The following ACSS2 variants were observed in gnomAD, a reference collection of about 807,000 sequenced individuals.
ACSS2 encodes acetyl-coenzyme A synthetase, cytoplasmic.
In ACSS2, 58 loss-of-function variants were observed where a neutral mutation model predicts 90.6. The ratio of observed to expected loss-of-function variants is 0.64; its 90% CI spans 0.52 to 0.80. The LOEUF (loss-of-function observed/expected upper bound fraction) is 0.80, where lower values mean the gene tolerates loss of function less well. ACSS2 is among the 30% of genes least tolerant of loss of function. The pLI is 0.00. For missense variants in ACSS2, 759 were observed against 912.0 expected, an observed-to-expected ratio of 0.83 and a Z score of 2.16; for synonymous variants, 300 against 330.9, an observed-to-expected ratio of 0.91 and a Z score of 1.01.
chr20:34,923,103 C>A (rs2081237663), intron 13 of ACSS2: 2 of 484,928 alleles, frequency 4.1e-6, no homozygotes, highest in South Asian at 6.9e-5. Flanking sequence ...AGTATTTTCT[C>A]TGATTTACAG....
chr20:34,914,140 G>A lies in ACSS2; in HGVS notation c.688G>A (p.Ala230Thr). The A allele has an allele frequency of 6.2e-7, 1 of 1,614,190 alleles. No homozygotes were observed. The highest frequency in any genetic ancestry group is 8.5e-7 in the Non-Finnish European group (1 of 1,180,022). ...AAAGCTTGTGAACCTGAAGGAGCTG[G>A]CTGACGAGGCCCTGCAGAAGTGTCA... ...GEKLVNLKEL[A>T]DEALQKCQEK... Residue 230 changes from alanine (A) to threonine (T), a missense_variant, in exon 6 of 18, where the codon GCT becomes ACT. Ala to Thr is a moderately conservative substitution (Grantham distance 58). Coordinates refer to ENST00000360596, the MANE Select transcript of ACSS2 (RefSeq NM_018677.4).
intron 2 of ACSS2, among the ~76,000 whole-genome samples, chr20:34,887,331 T>G (rs2080220583): frequency 6.6e-6 from 1 of 152,214 alleles, no homozygotes; most frequent in Non-Finnish European, 1.5e-5. Context: ...AAAAGAGAAA[T>G]TAGCCACATT....
intron 2 of ACSS2, among the ~76,000 whole-genome samples, chr20:34,904,882 TG>T (rs1323070816): frequency 6.6e-6 from 1 of 151,868 alleles, no homozygotes; most frequent in African/African-American, 2.4e-5. Context: ...TTAATAGTTT[TG>T]TTTGATTCAC....
intron 1 of ACSS2, among the ~76,000 whole-genome samples, chr20:34,878,289 G>A (rs2079977489): frequency 6.6e-6 from 1 of 152,274 alleles, no homozygotes; most frequent in East Asian, 1.9e-4. Context: ...TTGGTTGTGG[G>A]ACAAACATGG....
chr20:34,914,558 T>A, intron 7 of ACSS2, 121 bp downstream of exon 7: 2 of 848,330 alleles, frequency 2.4e-6, no homozygotes, highest in Non-Finnish European at 3.6e-6. Context: ...GGAGCAATTC[T>A]AGGAATGCCT....
intron 13 of ACSS2, chr20:34,922,800 T>G (rs200754525): frequency 1.3e-5 from 2 of 155,146 alleles, no homozygotes; most frequent in South Asian, 2.0e-4. Flanking sequence ...AGCAAGTTAG[T>G]AACAGGGACA....
In ACSS2 at chr20:34,899,427, C is replaced by CTTTCTTTCT. The variant is rs1568977263; in HGVS notation, c.375-13667_375-13666insTCTTTCTTT. Among the ~76,000 whole-genome samples the CTTTCTTTCT allele has an allele frequency of 1.4e-4, 16 of 115,914 alleles. No homozygotes were observed. The South Asian group carries it at 3.7e-3, about 27-fold the overall frequency. The allele number at this position is 115,914 out of a possible 152,430, so 76.0% of individuals were successfully genotyped here. A position where few individuals can be genotyped will look rare whatever the true frequency, so the allele number is the denominator to read the frequency against. The stretch of plus-strand genomic sequence containing the variant: ...CCTTCTTTCTTTCTTTCTTTCTTTC[C>CTTTCTTTCT]TTCCTTCCTTCCTTCCTTCCTTCCT... On this transcript the variant is annotated intron_variant, in intron 2 of 17. Transcript: ENST00000360596.
chr20:34,918,802 C>T (rs908903447), intron 7 of ACSS2, among the ~76,000 whole-genome samples: 8 of 152,252 alleles, frequency 5.3e-5, no homozygotes, highest in African/African-American at 1.4e-4. Context: ...GTGTGGTGTC[C>T]GCATCCCTGC....
At chr20:34,877,909 CAGATAGATAGATAGAT>C (rs71196766) in intron 1 of ACSS2, among the ~76,000 whole-genome samples, 16 of 146,534 alleles carry the variant, frequency 1.1e-4, no homozygotes, top group African/African-American at 4.1e-4. Flanking sequence ...GATAGATAGA[CAGATAGATAGATAGAT>C]AGATAGATAG....
intron 2 of ACSS2, among the ~76,000 whole-genome samples, chr20:34,905,068 CTACCA>C (rs1380680441): frequency 2.6e-5 from 4 of 152,020 alleles, no homozygotes; most frequent in African/African-American, 9.7e-5. Flanking sequence ...TAGGCATTAG[CTACCA>C]TGCTTGGCTA....
intron 13 of ACSS2, chr20:34,922,935 A>G (rs1481891740): frequency 6.0e-6 from 1 of 167,418 alleles, no homozygotes. Context: ...TGTTTTTTAA[A>G]TGAGTGTTTT....
intron 2 of ACSS2, among the ~76,000 whole-genome samples, chr20:34,898,126 A>C (rs2147018287): frequency 6.6e-6 from 1 of 152,250 alleles, no homozygotes; most frequent in African/African-American, 2.4e-5. Context: ...TGAGTGTTAC[A>C]GCTCATAAAA....
At chr20:34,913,685 AC>A in intron 4 of ACSS2, 67 bp from the exon 5 acceptor site, 1 of 1,472,638 alleles carries the variant, frequency 6.8e-7, no homozygotes, top group Non-Finnish European at 9.5e-7. Flanking sequence ...TCCATGAGCA[AC>A]CCCTTTCTTC....
intron 2 of ACSS2, among the ~76,000 whole-genome samples, chr20:34,905,884 A>G (rs998377229): frequency 2.6e-5 from 4 of 152,148 alleles, no homozygotes; most frequent in East Asian, 1.9e-4. Flanking sequence ...GATCCTGCCA[A>G]TTTTTGAGCT....
At chr20:34,920,182 T>C (rs1360028525) in intron 8 of ACSS2, among the ~76,000 whole-genome samples, 7 of 152,204 alleles carry the variant, frequency 4.6e-5, no homozygotes, top group Non-Finnish European at 2.9e-5. Flanking sequence ...ATCTTTTTTT[T>C]CCCACTCACT....
chr20:34,882,832 A>C lies in ACSS2; in HGVS notation c.217A>C (p.Thr73Pro). ...GDIAKEFYWK[T>P]PCPGPFLRYN... ...CATTGCCAAGGAATTTTACTGGAAG[A>C]CTCCATGCCCTGGCCCATTCCTTCG... The change falls in exon 2 of 18, where the codon ACT becomes CCT. Residue 73 changes from threonine (T) to proline (P), a missense_variant. Physicochemically the swap from Thr to Pro is conservative, Grantham distance 38 (BLOSUM62 -1). Coordinates refer to ENST00000360596, the MANE Select transcript of ACSS2 (RefSeq NM_018677.4). 1 of 1,612,476 alleles carries C rather than the reference A, an allele frequency of 6.2e-7. No homozygotes were observed. Among genetic ancestry groups the C allele is most frequent in the Non-Finnish European group, 8.5e-7 (1 of 1,179,576 alleles).
At chr20:34,877,876 G>A (rs2079961639) in intron 1 of ACSS2, among the ~76,000 whole-genome samples, 1 of 131,438 alleles carries the variant, frequency 7.6e-6, no homozygotes. Context: ...CCCTACCCTT[G>A]CCCTCAGTCT....
chr20:34,919,576 AGTGTGTGTGTGTGTGTGT>A lies in ACSS2; in HGVS notation c.972+31_972+48del, dbSNP rs59343003. On this transcript the variant is annotated splice_donor_5th_base_variant and intron_variant, in intron 8 of 17. Transcript: ENST00000360596. Reference sequence around the variant, plus strand: ...TGGCTCCACAGGCAAACCCAAGGCAAGTGTGTGTGTGTGTGTGTGTGTGTGTGTGTGTGTGTGTGTGTG... The same window carrying A: ...TGGCTCCACAGGCAAACCCAAGGCAAGTGTGTGTGTGTGTGTGTGTGTGTG... The A allele has an allele frequency of 2.2e-5, 32 of 1,475,104 alleles. No homozygotes were observed. Among genetic ancestry groups the A allele is most frequent in the South Asian group, 6.3e-5 (5 of 79,150 alleles). 91.4% of individuals were successfully genotyped at this position (1,475,104 alleles called of 1,614,324 possible).
chr20:34,877,897 C>CAGATAGATAGATAGATAGAT (rs1440998444), intron 1 of ACSS2, among the ~76,000 whole-genome samples: 1 of 91,132 alleles, frequency 1.1e-5, no homozygotes. Context: ...GGGTAAAGGA[C>CAGATAGATAGATAGATAGAT]AGATAGATAG....
Sources: allele counts gnomAD v4.1 joint callset (sites outside exome capture counted in the v4.1 genomes callset), GRCh38; gene constraint gnomAD v4.1.1; transcripts MANE v1.5; gene names NCBI Gene and HGNC (gene_info 2026-07-23, HGNC 2026-07-21).